FANK1: variants seen among roughly 807,000 people sequenced by gnomAD.
The protein encoded by FANK1 is fibronectin type 3 and ankyrin repeat domains protein 1.
FANK1 carries 44 observed loss-of-function variants against 45.3 expected under a neutral mutation model. The ratio of observed to expected loss-of-function variants is 0.97; its 90% CI spans 0.76 to 1.25. FANK1 has a LOEUF of 1.25. Ranked by LOEUF, FANK1 falls within the 50% of genes most tolerant of loss-of-function variation. The probability of loss-of-function intolerance (pLI) is 0.00; values close to 1 mark genes in which losing one functional copy is unlikely to be tolerated. For synonymous variants in FANK1, 149 were observed against 152.5 expected (o/e 0.98, Z 0.17); for missense variants, 391 against 424.4 (o/e 0.92, Z 0.69).
intron 3 of FANK1, among the ~76,000 whole-genome samples, chr10:125,991,070 G>A (rs1280897386): frequency 6.6e-6 from 1 of 152,184 alleles, no homozygotes; most frequent in Non-Finnish European, 1.5e-5. Flanking sequence ...GATTTGGGTG[G>A]GGACACAGCC....
chr10:125,938,515 A>G (rs1181078939), intron 1 of FANK1, among the ~76,000 whole-genome samples: 1 of 152,188 alleles, frequency 6.6e-6, no homozygotes, highest in Admixed American at 6.5e-5. Flanking sequence ...TGCTTTAAAC[A>G]TCTCTGGGGA....
intron 1 of FANK1, among the ~76,000 whole-genome samples, chr10:125,905,843 AG>A (rs1945460398): frequency 6.6e-6 from 1 of 152,312 alleles, no homozygotes; most frequent in East Asian, 1.9e-4. Context: ...GGATCACTTG[AG>A]GCCAGGAGTT....
At chr10:125,936,806 G>T (rs1022149855) in intron 1 of FANK1, among the ~76,000 whole-genome samples, 1 of 152,040 alleles carries the variant, frequency 6.6e-6, no homozygotes, top group Non-Finnish European at 1.5e-5. Flanking sequence ...GGTGGCTCAC[G>T]TCTGTAATCC....
chr10:125,914,995 T>G (rs1266034275), intron 1 of FANK1, among the ~76,000 whole-genome samples: 1 of 152,124 alleles, frequency 6.6e-6, no homozygotes, highest in Non-Finnish European at 1.5e-5. Context: ...CGGGAGAGAC[T>G]GGTAGATCCA....
At chr10:126,005,896 T>C (rs1953160946) in intron 7 of FANK1, among the ~76,000 whole-genome samples, 1 of 152,276 alleles carries the variant, frequency 6.6e-6, no homozygotes, top group African/African-American at 2.4e-5. Context: ...AGGCAAGTGG[T>C]CTACTTTTGA....
chr10:125,923,262 C>T (rs185169291), intron 1 of FANK1, among the ~76,000 whole-genome samples: 1,962 of 150,690 alleles, frequency 0.013, 40 homozygotes, highest in African/African-American at 0.045. Context: ...AGTTCAAGAC[C>T]AGCCTGGGCA....
chr10:125,952,992 G>T (rs886075516), intron 1 of FANK1, among the ~76,000 whole-genome samples: 1 of 152,142 alleles, frequency 6.6e-6, no homozygotes, highest in African/African-American at 2.4e-5. Context: ...CACAGCTGCT[G>T]ACTTCAGGAT....
intron 2 of FANK1, among the ~76,000 whole-genome samples, chr10:125,987,411 AC>A (rs750514314): frequency 0.012 from 1,677 of 145,762 alleles, 31 homozygotes; most frequent in African/African-American, 0.04. Flanking sequence ...ACAGGAAAAA[AC>A]AAAAGGAGGA....
chr10:125,969,674 A>T (rs1043246092), intron 1 of FANK1, among the ~76,000 whole-genome samples: 4 of 151,326 alleles, frequency 2.6e-5, no homozygotes, highest in African/African-American at 9.7e-5. Context: ...TTTCTCGGAG[A>T]GGGGGATTTG....
chr10:125,903,108 G>C (rs1212736626), intron 1 of FANK1, among the ~76,000 whole-genome samples: 33 of 150,788 alleles, frequency 2.2e-4, no homozygotes, highest in East Asian at 1.4e-3. Context: ...CCCAAGCTCA[G>C]GTTCACCAAA....
chr10:125,991,093 G>A (rs1239515823), intron 3 of FANK1, among the ~76,000 whole-genome samples: 2 of 152,182 alleles, frequency 1.3e-5, no homozygotes, highest in South Asian at 2.1e-4. Flanking sequence ...ACTATATCAG[G>A]CTGTGCCTGT....
intron 7 of FANK1, among the ~76,000 whole-genome samples, chr10:126,005,286 C>T (rs1401697008): frequency 2.0e-5 from 3 of 150,826 alleles, no homozygotes; most frequent in Non-Finnish European, 4.4e-5. Context: ...CAGAGCTGGA[C>T]CTGATGCTTC....
intron 1 of FANK1, chr10:125,907,348 C>G (rs1398694979): frequency 3.2e-6 from 1 of 315,646 alleles, no homozygotes; most frequent in Non-Finnish European, 4.6e-6. Context: ...AACTTAATGT[C>G]TTCAAACAAC....
intron 1 of FANK1, among the ~76,000 whole-genome samples, chr10:125,956,264 T>C (rs780600578): frequency 7.2e-5 from 11 of 151,816 alleles, no homozygotes; most frequent in Non-Finnish European, 1.2e-4. Flanking sequence ...TGAATATATT[T>C]GAAAGGAGAT....
intron 1 of FANK1, among the ~76,000 whole-genome samples, chr10:125,900,891 C>A (rs978397689): frequency 3.3e-4 from 51 of 152,256 alleles, no homozygotes; most frequent in African/African-American, 1.2e-3. Flanking sequence ...CTCATGTGAT[C>A]CACCCGCCTC....
intron 1 of FANK1, among the ~76,000 whole-genome samples, chr10:125,930,984 G>C (rs1947715148): frequency 6.6e-6 from 1 of 152,080 alleles, no homozygotes. Context: ...TTCCATTCCT[G>C]AGTTACTTCA....
chr10:125,929,103 A>G (rs1947576745), intron 1 of FANK1, among the ~76,000 whole-genome samples: 1 of 152,266 alleles, frequency 6.6e-6, no homozygotes, highest in Non-Finnish European at 1.5e-5. Flanking sequence ...GCGTATGCAC[A>G]GGAGTCCACG....
At chr10:125,978,636 T>C (rs1950999687) in intron 1 of FANK1, among the ~76,000 whole-genome samples, 1 of 152,112 alleles carries the variant, frequency 6.6e-6, no homozygotes, top group Non-Finnish European at 1.5e-5. Context: ...TACTGGGGGA[T>C]CCCTTCTGCC....
At chr10:125,949,021 A>G (rs1377306636) in intron 1 of FANK1, among the ~76,000 whole-genome samples, 1 of 149,948 alleles carries the variant, frequency 6.7e-6, no homozygotes, top group Non-Finnish European at 1.5e-5. Flanking sequence ...CAAAAACCAC[A>G]TGATTATCTC....
Sources: gnomAD v4.1 joint callset for allele counts (sites outside exome capture counted in the v4.1 genomes callset) on GRCh38, gnomAD v4.1.1 for gene constraint, MANE v1.5 for transcripts, NCBI Gene and HGNC (gene_info 2026-07-23, HGNC 2026-07-21) for gene names.